DYDC1: variants seen among roughly 807,000 people sequenced by gnomAD.
DYDC1 encodes DPY30 domain-containing protein 1.
In DYDC1, 21 loss-of-function variants were observed where a neutral mutation model predicts 27.9. That is an observed-to-expected ratio of 0.75 (90% confidence interval 0.53 to 1.08). DYDC1 has a LOEUF of 1.08. Ranked by LOEUF, DYDC1 falls within the 50% of genes least tolerant of loss-of-function variation. The probability of loss-of-function intolerance (pLI) is 0.00; values close to 1 mark genes in which losing one functional copy is unlikely to be tolerated. For missense variants in DYDC1, 202 were observed against 205.9 expected (o/e 0.98, Z 0.12); for synonymous variants, 67 against 65.8 (o/e 1.02, Z -0.09).
At chr10:80,347,439 AGCATTTTAG>A (rs1175411351) in intron 3 of DYDC1, among the ~76,000 whole-genome samples, 1 of 151,990 alleles carries the variant, frequency 6.6e-6, no homozygotes, top group Non-Finnish European at 1.5e-5. Context: ...GCTGTGCAAG[AGCATTTTAG>A]TTTGACCTAG....
chr10:80,352,932 T>C (rs1843093009), intron 1 of DYDC1, among the ~76,000 whole-genome samples: 1 of 152,112 alleles, frequency 6.6e-6, no homozygotes, highest in Non-Finnish European at 1.5e-5. Flanking sequence ...CCTCACAACA[T>C]ACCTGAAAAA....
Position 80,339,108 on chromosome 10 carries a change from G to T in DYDC1, c.388C>A (p.Leu130Ile). The T allele has an allele frequency of 7.2e-7, 1 of 1,388,820 alleles. No individual in the cohort carries two copies. Among genetic ancestry groups the T allele is most frequent in the Non-Finnish European group, 9.7e-7 (1 of 1,026,038 alleles). 86.0% of individuals were successfully genotyped at this position (1,388,820 alleles called of 1,614,324 possible). The part of the protein sequence containing the change: ...MENLVRNEDI[L>I]HSEEATLDSG... Reference sequence around the variant, plus strand: ...CTTTTTCTTCTCACCTCTGAATGTAGAATATCTTCATTCCTAACTAGATTT... The same window carrying T: ...CTTTTTCTTCTCACCTCTGAATGTATAATATCTTCATTCCTAACTAGATTT... Residue 130 changes from leucine (L) to isoleucine (I), a missense_variant, in exon 5 of 7, where the codon CTA becomes ATA. Physicochemically the swap from Leu to Ile is conservative, Grantham distance 5. Transcript: ENST00000372202.
chr10:80,336,454 G>A (rs1842138239), intron 6 of DYDC1: 1 of 662,162 alleles, frequency 1.5e-6, no homozygotes, highest in Non-Finnish European at 1.9e-6. Context: ...TCCCTTCAAT[G>A]TTAGAATTGC....
intron 3 of DYDC1, among the ~76,000 whole-genome samples, chr10:80,347,761 G>A (rs1314655616): frequency 2.5e-4 from 38 of 152,106 alleles, no homozygotes; most frequent in Admixed American, 2.4e-3. Context: ...TTAGTTGACC[G>A]TATATACTTG....
intron 3 of DYDC1, among the ~76,000 whole-genome samples, chr10:80,343,294 T>C (rs1842413953): frequency 6.6e-6 from 1 of 152,250 alleles, no homozygotes; most frequent in Non-Finnish European, 1.5e-5. Flanking sequence ...ACGTATTGTC[T>C]ACGAGCGCTT....
chr10:80,337,144 C>T, intron 6 of DYDC1: 1 of 985,434 alleles, frequency 1.0e-6, no homozygotes, highest in Middle Eastern at 5.2e-4. Context: ...TGTCTCTTTC[C>T]TCTGGGCTCA....
At chr10:80,343,664 T>A (rs1463737349) in intron 3 of DYDC1, among the ~76,000 whole-genome samples, 1 of 151,998 alleles carries the variant, frequency 6.6e-6, no homozygotes, top group African/African-American at 2.4e-5. Context: ...GTCGCACTTT[T>A]AAGGCACACT....
At chr10:80,350,766 T>C (rs543235960) in intron 3 of DYDC1, among the ~76,000 whole-genome samples, 6 of 152,226 alleles carry the variant, frequency 3.9e-5, no homozygotes, top group Admixed American at 3.3e-4. Context: ...GGTAGAACTA[T>C]GGAAGTGGCT....
intron 1 of DYDC1, among the ~76,000 whole-genome samples, chr10:80,355,046 A>G (rs1413014665): frequency 7.7e-6 from 1 of 130,416 alleles, no homozygotes; most frequent in African/African-American, 3.0e-5. Context: ...TCAGGAAAGT[A>G]AAAAAAAAGC....
At position 80,342,411 on chromosome 10, in the gene DYDC1, A is replaced by G. The variant is rs114654812; in HGVS notation, c.250-50T>C. On this transcript the variant is annotated intron_variant, in intron 3 of 6. Coordinates refer to ENST00000372202, the MANE Select transcript of DYDC1 (RefSeq NM_001269053.2). ...TTACAGTTAGATTAATTGCAAGATAATTAAGTTTATACCCACCTTCATTTC... is the reference window on the plus strand; with the variant it reads ...TTACAGTTAGATTAATTGCAAGATAGTTAAGTTTATACCCACCTTCATTTC... 1,607 of 1,571,680 alleles carry G rather than the reference A, an allele frequency of 1.0e-3. 9 individuals carry two copies. In the African/African-American group the frequency reaches 0.018, roughly 18 times the overall value.
At chr10:80,355,061 T>C (rs1843276270) in intron 1 of DYDC1, among the ~76,000 whole-genome samples, 1 of 151,406 alleles carries the variant, frequency 6.6e-6, no homozygotes, top group South Asian at 2.1e-4. Flanking sequence ...AAAAGCTTCT[T>C]TGGGGGTGAC....
chr10:80,344,327 G>C (rs1276827702), intron 3 of DYDC1, among the ~76,000 whole-genome samples: 1 of 152,160 alleles, frequency 6.6e-6, no homozygotes, highest in African/African-American at 2.4e-5. Context: ...ACTTGTCTAA[G>C]ATTTTAGCCT....
intron 3 of DYDC1, among the ~76,000 whole-genome samples, chr10:80,349,719 T>C (rs1361933118): frequency 2.0e-5 from 3 of 152,342 alleles, no homozygotes; most frequent in Admixed American, 6.5e-5. Context: ...AACAGTCAGA[T>C]TGATCAAAAC....
At chr10:80,354,706 GGA>G (rs1476214003) in intron 1 of DYDC1, among the ~76,000 whole-genome samples, 13 of 152,038 alleles carry the variant, frequency 8.6e-5, no homozygotes, top group African/African-American at 2.9e-4. Flanking sequence ...AAAAGAGATG[GGA>G]GAGCGTGCTC....
chr10:80,341,285 T>C (rs1170536054), intron 4 of DYDC1, among the ~76,000 whole-genome samples: 2 of 150,954 alleles, frequency 1.3e-5, no homozygotes, highest in Non-Finnish European at 3.0e-5. Context: ...CTACTAAAAA[T>C]ACAAAAAATT....
At chr10:80,342,214 T>C in intron 4 of DYDC1, 55 bp downstream of exon 4, 6 of 1,550,512 alleles carry the variant, frequency 3.9e-6, no homozygotes, top group Non-Finnish European at 4.4e-6. Flanking sequence ...AATAAACAGT[T>C]TGAAGATTCT....
intron 3 of DYDC1, among the ~76,000 whole-genome samples, chr10:80,349,191 C>A (rs1459602187): frequency 6.6e-6 from 1 of 152,128 alleles, no homozygotes; most frequent in Admixed American, 6.6e-5. Context: ...GCGCCCGGCC[C>A]GCAGATAAAT....
At chr10:80,349,347 T>C (rs112817804) in intron 3 of DYDC1, among the ~76,000 whole-genome samples, 6 of 152,354 alleles carry the variant, frequency 3.9e-5, no homozygotes, top group African/African-American at 1.4e-4. Context: ...TTGAATTTCA[T>C]CAATAAAACA....
chr10:80,339,196 A>G (rs771523603), intron 4 of DYDC1, 43 bp from the exon 5 acceptor site: 11 of 872,926 alleles, frequency 1.3e-5, no homozygotes, highest in Admixed American at 3.7e-5. Context: ...AATATACTCC[A>G]TTTTGATTTC....
Sources: gnomAD v4.1 joint callset for allele counts (sites outside exome capture counted in the v4.1 genomes callset) on GRCh38, gnomAD v4.1.1 for gene constraint, MANE v1.5 for transcripts, NCBI Gene and HGNC (gene_info 2026-07-23, HGNC 2026-07-21) for gene names.